The following ANKRD62 variants were observed in gnomAD, a reference collection of about 807,000 sequenced individuals.
ANKRD62 encodes the protein ankyrin repeat domain-containing protein 62.
ANKRD62 carries 61 observed loss-of-function variants against 98.8 expected under a neutral mutation model. The ratio of observed to expected loss-of-function variants is 0.62; its 90% confidence interval spans 0.50 to 0.76. The LOEUF (loss-of-function observed/expected upper bound fraction) is 0.76. Ranked by LOEUF, ANKRD62 falls within the 30% of genes least tolerant of loss-of-function variation. The pLI is 0.00. For missense variants in ANKRD62, 933 were observed against 1,082.9 expected (o/e 0.86, Z 1.94); for synonymous variants, 341 against 367.9 (o/e 0.93, Z 0.84).
chr18:12,103,566 G>C (rs1258866403), intron 7 of ANKRD62, among the ~76,000 whole-genome samples: 4 of 151,932 alleles, frequency 2.6e-5, no homozygotes, highest in African/African-American at 9.7e-5. Context: ...CTGCTGATTT[G>C]GATTCCTGTT....
At chr18:12,114,060 C>G (rs1909606046) in intron 8 of ANKRD62, among the ~76,000 whole-genome samples, 1 of 152,172 alleles carries the variant, frequency 6.6e-6, no homozygotes, top group Admixed American at 6.5e-5. Flanking sequence ...ACCACATGTT[C>G]TCTCTCACAA....
chr18:12,123,454 A>C (rs1909823540), intron 11 of ANKRD62, among the ~76,000 whole-genome samples: 1 of 152,242 alleles, frequency 6.6e-6, no homozygotes, highest in South Asian at 2.1e-4. Context: ...AAATTAATTC[A>C]AACTTCTATG....
chr18:12,111,565 C>T (rs1052843486), intron 8 of ANKRD62, among the ~76,000 whole-genome samples: 3 of 152,092 alleles, frequency 2.0e-5, no homozygotes, highest in African/African-American at 7.2e-5. Flanking sequence ...CAGGGTAATC[C>T]ATCAAGAGAA....
intron 11 of ANKRD62, among the ~76,000 whole-genome samples, chr18:12,123,776 A>G (rs1224023322): frequency 1.3e-5 from 2 of 152,226 alleles, no homozygotes; most frequent in Admixed American, 6.5e-5. Context: ...CAACTTGTTT[A>G]TAAAAAATAA....
chr18:12,133,251 T>A (rs557498674), downstream of ANKRD62, among the ~76,000 whole-genome samples: 7 of 152,322 alleles, frequency 4.6e-5, no homozygotes, highest in Admixed American at 1.3e-4. Context: ...GTATCAGTAG[T>A]TTATTTCCTC....
At chr18:12,168,307 T>G in the ANKRD62 span, among the ~76,000 whole-genome samples, 1 of 152,082 alleles carries the variant, frequency 6.6e-6, no homozygotes, top group Non-Finnish European at 1.5e-5. Flanking sequence ...GAATTAATTT[T>G]TGTATAAGGT....
chr18:12,110,269 T>C (rs111690146), intron 8 of ANKRD62, among the ~76,000 whole-genome samples: 1 of 152,358 alleles, frequency 6.6e-6, no homozygotes, highest in African/African-American at 2.4e-5. Context: ...TTGATGAGTA[T>C]AAAATGTCTC....
the ANKRD62 span, among the ~76,000 whole-genome samples, chr18:12,163,787 T>C: frequency 0.84 from 128,377 of 152,008 alleles, 54,650 homozygotes; most frequent in Middle Eastern, 0.97. Context: ...GGTTTTTGTC[T>C]TTCATCCTGT....
chr18:12,119,774 A>G (rs1039332809), intron 10 of ANKRD62, among the ~76,000 whole-genome samples: 2 of 151,170 alleles, frequency 1.3e-5, no homozygotes, highest in Non-Finnish European at 2.9e-5. Flanking sequence ...ATTTATTTTC[A>G]TTTTCTTAAG....
the ANKRD62 span, among the ~76,000 whole-genome samples, chr18:12,150,218 C>T: frequency 1.1e-4 from 17 of 152,296 alleles, no homozygotes; most frequent in Admixed American, 5.2e-4. Flanking sequence ...AGCTTGAAGA[C>T]TGGCTCTCTG....
At chr18:12,168,518 T>C in the ANKRD62 span, among the ~76,000 whole-genome samples, 7 of 152,362 alleles carry the variant, frequency 4.6e-5, no homozygotes, top group Admixed American at 4.6e-4. Flanking sequence ...ACCATTACCA[T>C]GCTGTTCTGA....
chr18:12,117,534 T>A (rs1909690697), intron 10 of ANKRD62, among the ~76,000 whole-genome samples: 1 of 152,258 alleles, frequency 6.6e-6, no homozygotes, highest in African/African-American at 2.4e-5. Flanking sequence ...CATTCCTGTG[T>A]TGTTCTTTAT....
At chr18:12,117,745 G>T in intron 10 of ANKRD62, among the ~76,000 whole-genome samples, 1 of 152,104 alleles carries the variant, frequency 6.6e-6, no homozygotes, top group East Asian at 1.9e-4. Flanking sequence ...ACTGTTTTCC[G>T]TTGTTAATCT....
the ANKRD62 span, among the ~76,000 whole-genome samples, chr18:12,178,273 G>C: frequency 6.7e-6 from 1 of 150,206 alleles, no homozygotes; most frequent in Non-Finnish European, 1.5e-5. Context: ...GAGGGGAGCA[G>C]TGGGAAAGAG....
rs1288739473 is a variant in ANKRD62, at chr18:12,097,627, TTTC to T, written c.615-10_615-8del. The T allele has an allele frequency of 1.3e-6, 2 of 1,520,234 alleles. No individual in the cohort carries two copies. The highest frequency in any genetic ancestry group is 2.8e-5 in the African/African-American group (2 of 72,340). The allele number at this position is 1,520,234 out of a possible 1,614,324, so 94.2% of individuals were successfully genotyped here. A position where few individuals can be genotyped will look rare whatever the true frequency, so the allele number is the denominator to read the frequency against. On this transcript the variant is annotated splice_polypyrimidine_tract_variant and intron_variant, in intron 4 of 13. Coordinates refer to ENST00000587848, the MANE Select transcript of ANKRD62 (RefSeq NM_001277333.2). ...TAAAGTTCCTAAGCATGAAATTATC[TTTC>T]TTATTTTAGAACAGCCCTGATACTT...
chr18:12,130,388 A>G (rs865957461), downstream of ANKRD62, among the ~76,000 whole-genome samples: 10 of 152,164 alleles, frequency 6.6e-5, no homozygotes, highest in Non-Finnish European at 1.0e-4. Flanking sequence ...AGAATGAAAA[A>G]GCGAGCGGAC....
chr18:12,134,622 G>A (rs1910053609), downstream of ANKRD62, among the ~76,000 whole-genome samples: 1 of 152,102 alleles, frequency 6.6e-6, no homozygotes, highest in South Asian at 2.1e-4. Context: ...AGAACATGCG[G>A]TGTTTGGTTT....
rs1248316493 is a variant in ANKRD62 at position 12,097,750 on chromosome 18, A to T, written c.725A>T (p.Asp242Val). ...GATATATCTGGATGGACTGCAGAAG[A>T]CTACGCTGTTGCTTCTAAGTTTCAA... Reference protein sequence around the residue: ...CQDISGWTAEDYAVASKFQAI... With the variant: ...CQDISGWTAEVYAVASKFQAI... Residue 242 changes from aspartate to valine, a missense_variant, in exon 5 of 14, where the codon GAC (aspartate) becomes GTC (valine). By Grantham distance (152) the Asp-to-Val change is radical (BLOSUM62 -3). Transcript: ENST00000587848. 2 of 1,535,914 alleles carry T rather than the reference A, an allele frequency of 1.3e-6. No homozygotes were observed. The highest frequency in any genetic ancestry group is 4.9e-5 in the East Asian group (2 of 40,902).
intron 13 of ANKRD62, among the ~76,000 whole-genome samples, 167 bp from the exon 14 acceptor site, chr18:12,127,581 C>A (rs1446648011): frequency 1.3e-5 from 2 of 152,078 alleles, no homozygotes; most frequent in Non-Finnish European, 2.9e-5. Flanking sequence ...CCTTCTTTAT[C>A]CTTAACTGGA....
Sources: allele counts gnomAD v4.1 joint callset (sites outside exome capture counted in the v4.1 genomes callset), GRCh38; gene constraint gnomAD v4.1.1; transcripts MANE v1.5; gene names NCBI Gene and HGNC (gene_info 2026-07-23, HGNC 2026-07-21).